ATP6V1H: variants seen among roughly 807,000 people sequenced by gnomAD.
The protein encoded by ATP6V1H is V-type proton ATPase subunit H.
In ATP6V1H, 39 loss-of-function variants were observed where a neutral mutation model predicts 71.7. The ratio of observed to expected loss-of-function variants is 0.54; its 90% CI spans 0.42 to 0.71. The LOEUF (loss-of-function observed/expected upper bound fraction) is 0.71. Ranked by LOEUF, ATP6V1H falls within the 30% of genes least tolerant of loss-of-function variation. The pLI, the probability that ATP6V1H is intolerant of heterozygous loss-of-function variation, is 0.00. For synonymous variants in ATP6V1H, 192 were observed against 199.3 expected, an observed-to-expected ratio of 0.96 and a Z score of 0.31; for missense variants, 509 against 594.9, an observed-to-expected ratio of 0.86 and a Z score of 1.50.
chr8:53,777,625 C>A (rs1273340229), intron 9 of ATP6V1H, among the ~76,000 whole-genome samples: 1 of 152,202 alleles, frequency 6.6e-6, no homozygotes, highest in African/African-American at 2.4e-5. Flanking sequence ...GATTGGCTAA[C>A]ATTTTCTGTA....
intron 4 of ATP6V1H, among the ~76,000 whole-genome samples, chr8:53,819,530 T>C: frequency 2.1e-5 from 1 of 48,702 alleles, no homozygotes; most frequent in South Asian, 6.6e-4. Context: ...AGAATCTATC[T>C]CAAAAAAAAA....
intron 10 of ATP6V1H, among the ~76,000 whole-genome samples, chr8:53,770,628 G>A (rs1808621155): frequency 6.6e-6 from 1 of 152,100 alleles, no homozygotes; most frequent in African/African-American, 2.4e-5. Flanking sequence ...TCCTAATCCT[G>A]TAACAGCAAA....
chr8:53,768,934 C>T (rs556148479), intron 11 of ATP6V1H, among the ~76,000 whole-genome samples: 2 of 151,888 alleles, frequency 1.3e-5, no homozygotes, highest in African/African-American at 2.4e-5. Flanking sequence ...CAAATTATAC[C>T]TCACTAAAAA....
At chr8:53,796,358 T>C (rs1365174067) in intron 8 of ATP6V1H, among the ~76,000 whole-genome samples, 1 of 152,150 alleles carries the variant, frequency 6.6e-6, no homozygotes, top group African/African-American at 2.4e-5. Context: ...AATTTCTAGT[T>C]TGATCTCTTA....
intron 4 of ATP6V1H, among the ~76,000 whole-genome samples, chr8:53,826,713 G>A (rs765213816): frequency 4.6e-5 from 7 of 151,994 alleles, no homozygotes; most frequent in East Asian, 3.9e-4. Context: ...TTGGGAGGCC[G>A]AGGCAGGCAG....
intron 9 of ATP6V1H, among the ~76,000 whole-genome samples, chr8:53,788,272 AT>A (rs1448240203): frequency 6.6e-6 from 1 of 152,232 alleles, no homozygotes; most frequent in African/African-American, 2.4e-5. Flanking sequence ...GACTGGGTCT[AT>A]TTTAAATATT....
intron 7 of ATP6V1H, among the ~76,000 whole-genome samples, chr8:53,806,529 A>G (rs1438569765): frequency 1.3e-5 from 2 of 152,132 alleles, no homozygotes; most frequent in African/African-American, 4.8e-5. Flanking sequence ...TAATCCAGTA[A>G]TTCAATTACA....
At chr8:53,733,069 TCTC>T (rs1172352558) in intron 13 of ATP6V1H, among the ~76,000 whole-genome samples, 9 of 152,130 alleles carry the variant, frequency 5.9e-5, no homozygotes, top group African/African-American at 1.7e-4. Flanking sequence ...CCTCTGCTGA[TCTC>T]CTCAACTGAA....
chr8:53,805,001 C>G (rs976803036), intron 7 of ATP6V1H, among the ~76,000 whole-genome samples: 2 of 152,126 alleles, frequency 1.3e-5, no homozygotes, highest in African/African-American at 4.8e-5. Flanking sequence ...CCATATACTA[C>G]AGAATTACAA....
intron 13 of ATP6V1H, among the ~76,000 whole-genome samples, chr8:53,740,728 T>A (rs1351567247): frequency 6.6e-6 from 1 of 152,226 alleles, no homozygotes; most frequent in African/African-American, 2.4e-5. Context: ...TATAGACAAC[T>A]AGGTTACCTG....
chr8:53,834,069 G>A (rs1181056825), intron 2 of ATP6V1H, among the ~76,000 whole-genome samples: 1 of 152,162 alleles, frequency 6.6e-6, no homozygotes, highest in Non-Finnish European at 1.5e-5. Flanking sequence ...TGTGTCAGCA[G>A]AACAGACCTG....
chr8:53,827,310 G>A lies in ATP6V1H; in HGVS notation c.306+2134C>T, dbSNP rs147785932. Among the ~76,000 whole-genome samples the A allele has an allele frequency of 4.0e-5, 6 of 151,874 alleles. No individual in the cohort carries two copies. In the East Asian group the frequency reaches 1.2e-3, roughly 29 times the overall value. ...AGGCAGGAGAATCACTTGAACCCAG[G>A]GGGCAGAGGTTGCAGCGAGCCGAGA... On this transcript the variant is annotated intron_variant, in intron 4 of 13. Transcript: ENST00000359530.
At chr8:53,834,623 A>G (rs898249029) in intron 2 of ATP6V1H, among the ~76,000 whole-genome samples, 1 of 152,198 alleles carries the variant, frequency 6.6e-6, no homozygotes, top group East Asian at 1.9e-4. Flanking sequence ...ACGGGGTTTC[A>G]CCATATTGGC....
rs1471614077 is a variant in ATP6V1H at position 53,782,780 on chromosome 8, T to C, written c.871-10613A>G. On this transcript the variant is annotated intron_variant, in intron 9 of 13. Coordinates refer to ENST00000359530, the MANE Select transcript of ATP6V1H (RefSeq NM_015941.4). The stretch of plus-strand genomic sequence containing the variant: ...TTGTTGAATTTTGTCAAAGGCCTTT[T>C]CTGCATCTATTGAGATAATCATGTG... Among the ~76,000 whole-genome samples, 17 of 152,350 alleles carry C rather than the reference T, an allele frequency of 1.1e-4. No individual in the cohort carries two copies. The South Asian group carries it at 3.5e-3, about 32-fold the overall frequency.
At chr8:53,837,974 G>A (rs1056596155) in intron 2 of ATP6V1H, among the ~76,000 whole-genome samples, 1 of 152,092 alleles carries the variant, frequency 6.6e-6, no homozygotes, top group Non-Finnish European at 1.5e-5. Context: ...TTTGGCCTCC[G>A]AAGCTGGTAA....
At chr8:53,805,231 T>G (rs1205753063) in intron 7 of ATP6V1H, among the ~76,000 whole-genome samples, 1 of 152,214 alleles carries the variant, frequency 6.6e-6, no homozygotes, top group Non-Finnish European at 1.5e-5. Flanking sequence ...AAAACAAGTC[T>G]GCTTGGAGTA....
chr8:53,720,592 T>C (rs1254148950), intron 13 of ATP6V1H, among the ~76,000 whole-genome samples: 1 of 152,202 alleles, frequency 6.6e-6, no homozygotes, highest in Admixed American at 6.5e-5. Flanking sequence ...TTTAGTTGCT[T>C]AAAGACTCAA....
intron 4 of ATP6V1H, among the ~76,000 whole-genome samples, chr8:53,825,153 A>T (rs1362147690): frequency 1.3e-5 from 2 of 152,170 alleles, no homozygotes; most frequent in South Asian, 2.1e-4. Context: ...GGACAGAAAA[A>T]TTCAGTAATA....
At chr8:53,717,260 AAAGACAGAAGCAC>A (rs1177065694) in intron 13 of ATP6V1H, among the ~76,000 whole-genome samples, 4 of 152,192 alleles carry the variant, frequency 2.6e-5, no homozygotes. Context: ...TTAAGACAGA[AAAGACAGAAGCAC>A]TGGGAATGAG....
Sources: allele counts gnomAD v4.1 joint callset (sites outside exome capture counted in the v4.1 genomes callset), GRCh38; gene constraint gnomAD v4.1.1; transcripts MANE v1.5; gene names NCBI Gene and HGNC (gene_info 2026-07-23, HGNC 2026-07-21).